RBP2: variants seen among roughly 807,000 people sequenced by gnomAD.
RBP2 encodes retinol binding protein 2, also known as retinol-binding protein 2.
Under a neutral mutation model 17.0 loss-of-function variants are expected in RBP2, and 17 were observed. That is an observed-to-expected ratio of 1.00 (90% CI 0.68 to 1.50). The LOEUF (loss-of-function observed/expected upper bound fraction) is 1.50. RBP2 is among the 40% of genes most tolerant of loss of function. The pLI is 0.00. For missense variants in RBP2, 158 were observed against 168.2 expected (o/e 0.94, Z 0.33); for synonymous variants, 48 against 57.1 (o/e 0.84, Z 0.72).
intron 1 of RBP2, among the ~76,000 whole-genome samples, chr3:139,472,137 C>T (rs1040552615): frequency 1.3e-5 from 2 of 152,172 alleles, no homozygotes; most frequent in Non-Finnish European, 1.5e-5. Context: ...CCTTCAAAGC[C>T]CCACCAAGAA....
chr3:139,462,396 C>G, intron 1 of RBP2, 106 bp from the exon 2 acceptor site: 1 of 1,172,532 alleles, frequency 8.5e-7, no homozygotes, highest in Non-Finnish European at 1.2e-6. Flanking sequence ...TGTGTGTAGG[C>G]CACCTGTCTT....
intron 1 of RBP2, among the ~76,000 whole-genome samples, chr3:139,465,737 A>G (rs180708168): frequency 1.5e-3 from 233 of 152,306 alleles, no homozygotes; most frequent in African/African-American, 5.1e-3. Context: ...AAGCCCTTGC[A>G]TACTGTCCCC....
At chr3:139,464,795 C>G (rs1039114567) in intron 1 of RBP2, among the ~76,000 whole-genome samples, 1 of 152,150 alleles carries the variant, frequency 6.6e-6, no homozygotes, top group African/African-American at 2.4e-5. Context: ...CCTTCCATGT[C>G]TAGGAACCAG....
intron 2 of RBP2, among the ~76,000 whole-genome samples, chr3:139,459,160 A>G (rs1029145908): frequency 1.1e-4 from 16 of 152,072 alleles, no homozygotes; most frequent in African/African-American, 3.9e-4. Context: ...GGAAAACAAT[A>G]GCATGAGGAG....
intron 1 of RBP2, among the ~76,000 whole-genome samples, chr3:139,463,600 G>C (rs1472440157): frequency 1.1e-4 from 16 of 152,206 alleles, no homozygotes; most frequent in Non-Finnish European, 1.5e-5. Flanking sequence ...ACAAGAAGAA[G>C]CAAACCCCTA....
At chr3:139,466,299 C>G (rs1376602139) in intron 1 of RBP2, 1 of 152,156 alleles carries the variant, frequency 6.6e-6, no homozygotes, top group African/African-American at 2.4e-5. Flanking sequence ...CTTACCAAAC[C>G]CTTTCTGACA....
chr3:139,476,337 A>G (rs1278444257), intron 1 of RBP2, 50 bp downstream of exon 1: 14 of 1,534,516 alleles, frequency 9.1e-6, no homozygotes, highest in Non-Finnish European at 1.2e-5. Flanking sequence ...GGGCCAGACC[A>G]CAGTACTCCC....
rs568092299 is a variant in RBP2, at chr3:139,453,760, G to C, written c.355-594C>G. 3.9e-5 allele frequency among the ~76,000 whole-genome samples: 6 copies of C among 152,338 alleles called. No homozygotes were observed. In the South Asian group the frequency reaches 1.2e-3, roughly 32 times the overall value. On this transcript the variant is annotated intron_variant, in intron 3 of 3. Transcript: ENST00000232217. The stretch of plus-strand genomic sequence containing the variant: ...GGAGGAGGGAAAAACATGAGTGTGG[G>C]AAGGACCACCACAATCATTGCAGTT...
chr3:139,475,324 TAAAAAA>T lies in RBP2; in HGVS notation c.73+1057_73+1062del, dbSNP rs397941333. ...ACAGAGCGAGACTCTGTCCCCAAAA[TAAAAAA>T]AAAAAAAAAAAAAAAAAAGAACATG... is the stretch of plus-strand genomic sequence containing the variant. On this transcript the variant is annotated intron_variant, in intron 1 of 3. Transcript: ENST00000232217. 3.9e-3 allele frequency among the ~76,000 whole-genome samples: 280 copies of T among 71,608 alleles called. 1 individual carries two copies. The highest frequency in any genetic ancestry group is 0.012 in the African/African-American group (248 of 20,530). 47.0% of individuals were successfully genotyped at this position (71,608 alleles called of 152,430 possible).
chr3:139,460,455 T>G (rs1933148384), intron 2 of RBP2, among the ~76,000 whole-genome samples: 1 of 152,236 alleles, frequency 6.6e-6, no homozygotes, highest in Admixed American at 6.5e-5. Flanking sequence ...TGGCTGAGAT[T>G]ATCAATGCTA....
At position 139,462,203 on chromosome 3, in the gene RBP2, G is replaced by A. The variant is rs1424177297; in HGVS notation, c.161C>T (p.Thr54Ile). The change falls in exon 2 of 4, where the codon ACC (threonine) becomes ATC (isoleucine). Residue 54 changes from threonine (T) to isoleucine (I), a missense_variant. Thr to Ile is a moderately conservative substitution (Grantham distance 89, BLOSUM62 -1). Coordinates refer to ENST00000232217, the MANE Select transcript of RBP2 (RefSeq NM_004164.3). ...DQDGDNFKTKTTSTFRNYDVD... is the reference protein window; with the variant it reads ...DQDGDNFKTKITSTFRNYDVD... Reference sequence around the variant, plus strand: ...ATCATAGTTGCGGAATGTGCTAGTGGTTTTTGTCTTGAAGTTATCACCATC... The same window carrying A: ...ATCATAGTTGCGGAATGTGCTAGTGATTTTTGTCTTGAAGTTATCACCATC... The A allele has an allele frequency of 1.2e-6, 2 of 1,614,112 alleles. No individual in the cohort carries two copies. Among genetic ancestry groups the A allele is most frequent in the Non-Finnish European group, 8.5e-7 (1 of 1,180,012 alleles).
intron 2 of RBP2, among the ~76,000 whole-genome samples, chr3:139,455,772 G>A (rs1336096743): frequency 2.0e-5 from 3 of 152,062 alleles, no homozygotes; most frequent in African/African-American, 7.2e-5. Context: ...TGGTTCTTGG[G>A]TTCCTCCCAG....
At chr3:139,457,694 A>G (rs1215458527) in intron 2 of RBP2, among the ~76,000 whole-genome samples, 1 of 150,588 alleles carries the variant, frequency 6.6e-6, no homozygotes, top group Non-Finnish European at 1.5e-5. Context: ...TCCCTGCATC[A>G]GAAGAGATTT....
intron 1 of RBP2, among the ~76,000 whole-genome samples, chr3:139,462,993 C>T (rs895306655): frequency 6.6e-6 from 1 of 151,772 alleles, no homozygotes; most frequent in Non-Finnish European, 1.5e-5. Context: ...ACCACCATAC[C>T]CAGCTAATTT....
Position 139,476,398 on chromosome 3 carries a change from A to G in RBP2, c.62T>C (p.Met21Thr), listed in dbSNP as rs1159035348. The stretch of plus-strand genomic sequence containing the variant: ...AGTCTCCTCCTTACCCAGGGCCTTC[A>G]TGTAGCCCTCAAAGTTTTCATTACT... ...MESNENFEGY[M>T]KALDIDFATR... Residue 21 changes from methionine (M) to threonine (T), a missense_variant, in exon 1 of 4, where the codon ATG becomes ACG. Transcript: ENST00000232217. 5.6e-6 allele frequency: 9 copies of G among 1,613,596 alleles called. No individual in the cohort carries two copies. The highest frequency in any genetic ancestry group is 2.2e-5 in the East Asian group (1 of 44,868).
In RBP2 at chr3:139,472,601, C is replaced by G. The variant is rs145635900; in HGVS notation, c.73+3786G>C. 6.2e-3 allele frequency among the ~76,000 whole-genome samples: 947 copies of G among 152,294 alleles called. 9 individuals carry two copies. The highest frequency in any genetic ancestry group is 0.021 in the African/African-American group (873 of 41,554). On this transcript the variant is annotated intron_variant, in intron 1 of 3. Transcript: ENST00000232217. ...GGCCAGTTAAGGTCTCAGCTGCCAG[C>G]CAGCACCAACTGCCAGACATGCATA...
chr3:139,463,680 A>G (rs1014641549), intron 1 of RBP2, among the ~76,000 whole-genome samples: 13 of 152,342 alleles, frequency 8.5e-5, no homozygotes, highest in African/African-American at 3.1e-4. Context: ...AGATCTAGAA[A>G]GAGAGGATAG....
intron 3 of RBP2, among the ~76,000 whole-genome samples, chr3:139,454,444 G>A (rs947049402): frequency 3.9e-5 from 6 of 152,096 alleles, no homozygotes; most frequent in African/African-American, 1.4e-4. Flanking sequence ...TCCCCAGCTG[G>A]TCTTTAGCAG....
intron 1 of RBP2, among the ~76,000 whole-genome samples, chr3:139,471,197 G>A (rs531461332): frequency 6.6e-6 from 1 of 152,254 alleles, no homozygotes; most frequent in South Asian, 2.1e-4. Flanking sequence ...ATAGGTGCTC[G>A]ATACATTTGT....
Sources: gnomAD v4.1 joint callset for allele counts (sites outside exome capture counted in the v4.1 genomes callset) on GRCh38, gnomAD v4.1.1 for gene constraint, MANE v1.5 for transcripts, NCBI Gene and HGNC (gene_info 2026-07-23, HGNC 2026-07-21) for gene names.